YAF2: variants seen among roughly 807,000 people sequenced by gnomAD.
YAF2 encodes YY1 associated factor 2.
Under a neutral mutation model 20.1 loss-of-function variants are expected in YAF2, and 7 were observed. That is an observed-to-expected ratio of 0.35 (90% CI 0.20 to 0.65). The LOEUF is 0.65. Among genes scored for constraint, YAF2 ranks in the 30% least tolerant of loss-of-function variants. The pLI is 0.69. For missense variants in YAF2, 151 were observed against 219.2 expected, an observed-to-expected ratio of 0.69 and a Z score of 1.96; for synonymous variants, 74 against 76.0, an observed-to-expected ratio of 0.97 and a Z score of 0.14.
chr12:42,179,898 T>TA (rs1473193885), intron 2 of YAF2, among the ~76,000 whole-genome samples: 1 of 151,996 alleles, frequency 6.6e-6, no homozygotes, highest in Non-Finnish European at 1.5e-5. Flanking sequence ...GATAGACTGA[T>TA]AGTATACTCA....
At position 42,232,328 on chromosome 12, in the gene YAF2, T is replaced by C. The variant is rs80236766; in HGVS notation, c.152+5271A>G. 1,137 of 736,442 alleles carry C rather than the reference T, an allele frequency of 1.5e-3. 9 individuals carry two copies. The African/African-American group carries it at 0.02, about 13-fold the overall frequency. 45.6% of individuals were successfully genotyped at this position (736,442 alleles called of 1,614,324 possible). A position where few individuals can be genotyped will look rare whatever the true frequency, so the allele number is the denominator to read the frequency against. On this transcript the variant is annotated intron_variant, in intron 2 of 3. Transcript: ENST00000534854. ...GGCAAATAACATCTTCAAATTATTA[T>C]AAAAACAGTGTGAACCTCATAGAAA...
chr12:42,163,765 C>T (rs922481326), intron 2 of YAF2, among the ~76,000 whole-genome samples: 8 of 152,190 alleles, frequency 5.3e-5, no homozygotes, highest in Admixed American at 4.6e-4. Context: ...CTCTGCTGCT[C>T]TCTAGGAGCT....
chr12:42,178,279 T>C (rs1019268340), intron 2 of YAF2, among the ~76,000 whole-genome samples: 8 of 152,184 alleles, frequency 5.3e-5, no homozygotes, highest in Admixed American at 3.9e-4. Context: ...ATTACTATAC[T>C]TGGGCCCCCA....
intron 2 of YAF2, among the ~76,000 whole-genome samples, chr12:42,185,014 C>T (rs1030028178): frequency 3.9e-5 from 6 of 152,076 alleles, no homozygotes; most frequent in African/African-American, 1.4e-4. Flanking sequence ...CTGTCTCTAC[C>T]AAAAATGCAA....
chr12:42,164,409 C>T (rs2065865548), intron 2 of YAF2, among the ~76,000 whole-genome samples: 1 of 152,154 alleles, frequency 6.6e-6, no homozygotes. Flanking sequence ...CAATTTTCAA[C>T]TACGGTCTGC....
chr12:42,172,309 C>T (rs1293161844), intron 2 of YAF2: 1 of 152,184 alleles, frequency 6.6e-6, no homozygotes, highest in East Asian at 1.9e-4. Context: ...AGAAGTCGTA[C>T]AAAATTATAA....
At chr12:42,165,693 G>C (rs916575715) in intron 2 of YAF2, among the ~76,000 whole-genome samples, 1 of 148,960 alleles carries the variant, frequency 6.7e-6, no homozygotes, top group Non-Finnish European at 1.5e-5. Flanking sequence ...GGATGGTCTC[G>C]ATCTCCTGAC....
At chr12:42,233,390 G>A (rs2068040216) in intron 2 of YAF2, 1 of 984,416 alleles carries the variant, frequency 1.0e-6, no homozygotes, top group Admixed American at 6.2e-5. Context: ...GCAATATTAA[G>A]TAACTGTCCA....
At chr12:42,179,789 C>CAAAAAAAA (rs71084622) in intron 2 of YAF2, among the ~76,000 whole-genome samples, 149 of 85,026 alleles carry the variant, frequency 1.8e-3, no homozygotes, top group Middle Eastern at 8.6e-3. Flanking sequence ...GTCTAAAAGG[C>CAAAAAAAA]AAAAAAAAAA....
chr12:42,208,175 C>T (rs1322051897), intron 2 of YAF2, among the ~76,000 whole-genome samples: 1 of 152,024 alleles, frequency 6.6e-6, no homozygotes, highest in African/African-American at 2.4e-5. Flanking sequence ...TGCCTGTAAT[C>T]CTAACACTTT....
intron 2 of YAF2, among the ~76,000 whole-genome samples, chr12:42,193,716 C>T (rs1430379182): frequency 6.6e-6 from 1 of 152,098 alleles, no homozygotes; most frequent in Non-Finnish European, 1.5e-5. Flanking sequence ...GTTGCCCAGG[C>T]TGGTTTCCAA....
At chr12:42,223,817 T>C (rs545743532) in intron 2 of YAF2, among the ~76,000 whole-genome samples, 3 of 146,346 alleles carry the variant, frequency 2.0e-5, no homozygotes, top group South Asian at 4.4e-4. Flanking sequence ...TAAGTGGGAG[T>C]TGAACAATGA....
intron 3 of YAF2, 162 bp downstream of exon 3, chr12:42,161,438 CTTCTGTGTTTAAT>C (rs2065798116): frequency 1.7e-6 from 1 of 582,014 alleles, no homozygotes; most frequent in African/African-American, 2.0e-5. Flanking sequence ...GTATTTCTGG[CTTCTGTGTTTAAT>C]TTCCTATGTA....
chr12:42,172,662 A>AT (rs940440982), intron 2 of YAF2, among the ~76,000 whole-genome samples: 82 of 152,360 alleles, frequency 5.4e-4, no homozygotes, highest in African/African-American at 1.9e-3. Context: ...AAATGAAAAC[A>AT]TATGTTCACA....
chr12:42,227,712 T>C (rs2137368008), intron 2 of YAF2, among the ~76,000 whole-genome samples: 1 of 146,208 alleles, frequency 6.8e-6, no homozygotes, highest in Non-Finnish European at 1.5e-5. Context: ...GTGAGGAGCG[T>C]CTCCGCCCGG....
rs143304856 is a variant in YAF2 at position 42,166,146 on chromosome 12, C to T, written c.153-4381G>A. On this transcript the variant is annotated intron_variant, in intron 2 of 3. Coordinates refer to ENST00000534854, the MANE Select transcript of YAF2 (RefSeq NM_005748.6). The stretch of plus-strand genomic sequence containing the variant: ...CAGGCTGGTCTTGAACGCCCAACCT[C>T]AGGTGATCCGCCTGTCTTGGCCTCC... Among the ~76,000 whole-genome samples, 878 of 152,296 alleles carry T rather than the reference C, an allele frequency of 5.8e-3. 32 individuals carry two copies. The East Asian group carries it at 0.079, about 14-fold the overall frequency.
At chr12:42,174,014 T>C (rs183618725) in intron 2 of YAF2, among the ~76,000 whole-genome samples, 6 of 152,210 alleles carry the variant, frequency 3.9e-5, no homozygotes, top group East Asian at 1.9e-4. Context: ...CTGACCTCCT[T>C]TGTTTCCTGC....
chr12:42,232,713 G>T, intron 2 of YAF2: 1 of 985,288 alleles, frequency 1.0e-6, no homozygotes, highest in Non-Finnish European at 1.2e-6. Flanking sequence ...AAGACATAAA[G>T]CAAGTATGAC....
At chr12:42,172,599 G>A (rs550504872) in intron 2 of YAF2, among the ~76,000 whole-genome samples, 52 of 152,268 alleles carry the variant, frequency 3.4e-4, no homozygotes, top group Non-Finnish European at 6.5e-4. Context: ...GATAGCAGAA[G>A]TGCTATTCTG....
Sources: gnomAD v4.1 joint callset for allele counts (sites outside exome capture counted in the v4.1 genomes callset) on GRCh38, gnomAD v4.1.1 for gene constraint, MANE v1.5 for transcripts, NCBI Gene and HGNC (gene_info 2026-07-23, HGNC 2026-07-21) for gene names.